DENND1B: variants seen among roughly 807,000 people sequenced by gnomAD.
The protein encoded by DENND1B is DENN domain-containing protein 1B.
DENND1B carries 59 observed loss-of-function variants against 90.1 expected under a neutral mutation model. The observed-to-expected ratio is 0.65, with a 90% CI of 0.53 to 0.81. The LOEUF is 0.81. DENND1B is among the 40% of genes least tolerant of loss of function. The pLI, the probability that DENND1B is intolerant of heterozygous loss-of-function variation, is 0.00. For synonymous variants in DENND1B, 337 were observed against 324.6 expected (o/e 1.04, Z -0.41); for missense variants, 862 against 912.6 (o/e 0.94, Z 0.71).
intron 2 of DENND1B, among the ~76,000 whole-genome samples, chr1:197,723,352 C>T (rs561337886): frequency 4.6e-5 from 7 of 152,172 alleles, no homozygotes; most frequent in South Asian, 2.1e-4. Context: ...TTCTTTTCTT[C>T]GCACTCCTCT....
At chr1:197,605,968 T>C (rs1016457257) in intron 13 of DENND1B, 9 of 151,156 alleles carry the variant, frequency 6.0e-5, no homozygotes, top group African/African-American at 1.9e-4. Context: ...AACTCCTTAA[T>C]AATGGATTTC....
chr1:197,585,940 C>A (rs763962347), intron 14 of DENND1B, among the ~76,000 whole-genome samples: 4 of 152,088 alleles, frequency 2.6e-5, no homozygotes, highest in Non-Finnish European at 5.9e-5. Flanking sequence ...ATGATTTTAA[C>A]CCAGGTTATG....
intron 15 of DENND1B, among the ~76,000 whole-genome samples, chr1:197,573,213 T>C (rs931464502): frequency 1.1e-4 from 17 of 152,176 alleles, no homozygotes; most frequent in African/African-American, 3.6e-4. Flanking sequence ...GCTTTTCTAG[T>C]TCTTTTAATT....
At chr1:197,668,468 T>C (rs931211821) in intron 5 of DENND1B, among the ~76,000 whole-genome samples, 22 of 151,956 alleles carry the variant, frequency 1.4e-4, no homozygotes, top group African/African-American at 5.1e-4. Context: ...GGCATTCATG[T>C]TGTCAACACT....
Position 197,511,963 on chromosome 1 carries a change from C to T in DENND1B, c.1599-19G>A, listed in dbSNP as rs374915532. 8.9e-5 allele frequency: 140 copies of T among 1,580,208 alleles called. No homozygotes were observed. Among genetic ancestry groups the T allele is most frequent in the African/African-American group, 7.0e-4 (52 of 73,926 alleles). On this transcript the variant is annotated intron_variant, in intron 21 of 22. Coordinates refer to ENST00000620048, the MANE Select transcript of DENND1B (RefSeq NM_001195215.2). Reference sequence around the variant, plus strand: ...AGATAACCTGAAGAAAAATAAAACACGCAGTAGTAGGTAAATAACCATATT... The same window carrying T: ...AGATAACCTGAAGAAAAATAAAACATGCAGTAGTAGGTAAATAACCATATT...
chr1:197,629,957 T>A (rs1034088050), intron 10 of DENND1B, among the ~76,000 whole-genome samples: 2 of 151,932 alleles, frequency 1.3e-5, no homozygotes, highest in Non-Finnish European at 2.9e-5. Flanking sequence ...GAAAAGATGT[T>A]CCCCATCACA....
At chr1:197,744,295 T>A (rs533992563) in intron 2 of DENND1B, among the ~76,000 whole-genome samples, 7 of 152,322 alleles carry the variant, frequency 4.6e-5, no homozygotes, top group African/African-American at 1.4e-4. Flanking sequence ...AATCAGTATC[T>A]AGGGCATCTA....
chr1:197,717,495 CAAAT>C (rs1660755820), intron 2 of DENND1B, among the ~76,000 whole-genome samples: 2 of 151,424 alleles, frequency 1.3e-5, no homozygotes, highest in Non-Finnish European at 3.0e-5. Context: ...TTCTAGAAAC[CAAAT>C]AAATATAAAA....
chr1:197,746,724 A>C, intron 2 of DENND1B: 1 of 992,416 alleles, frequency 1.0e-6, no homozygotes, highest in Admixed American at 1.8e-5. Context: ...TTGAGTCCAC[A>C]AATGTCTTGA....
In DENND1B at chr1:197,775,124, G is replaced by A. The variant is rs1026645351; in HGVS notation, c.17+15C>T. The A allele has an allele frequency of 7.0e-6, 9 of 1,282,596 alleles. No individual in the cohort carries two copies. In the African/African-American group the frequency reaches 7.7e-5, roughly 11 times the overall value. 79.5% of individuals were successfully genotyped at this position (1,282,596 alleles called of 1,614,324 possible). ...GGGACGCCCGCCCCCGACGCGCCCG[G>A]GCCCCCCCACTCACTTGGTCCTGCA... On this transcript the variant is annotated intron_variant, in intron 1 of 22. Transcript: ENST00000620048.
intron 20 of DENND1B, among the ~76,000 whole-genome samples, chr1:197,517,563 T>G (rs893118392): frequency 6.6e-6 from 1 of 151,920 alleles, no homozygotes; most frequent in Admixed American, 6.6e-5. Context: ...ACGTAGTAAC[T>G]GCCTACCCCA....
At position 197,545,909 on chromosome 1, in the gene DENND1B, CA is replaced by C; in HGVS notation, c.1350+12del. ...TTTCATAAATAGGATTGTTAAATAT[CA>C]AAAAAACTTACAAATTTATATGCTG... On this transcript the variant is annotated intron_variant, in intron 18 of 22. Coordinates refer to ENST00000620048, the MANE Select transcript of DENND1B (RefSeq NM_001195215.2). 3 of 1,590,236 alleles carry C rather than the reference CA, an allele frequency of 1.9e-6. No individual in the cohort carries two copies. The highest frequency in any genetic ancestry group is 2.6e-6 in the Non-Finnish European group (3 of 1,172,000).
intron 3 of DENND1B, among the ~76,000 whole-genome samples, chr1:197,695,786 A>G (rs955821982): frequency 6.0e-5 from 9 of 151,230 alleles, no homozygotes; most frequent in Non-Finnish European, 1.2e-4. Flanking sequence ...GATCATTTAA[A>G]TATTTATTTT....
chr1:197,563,850 C>G (rs1461883362), intron 15 of DENND1B, among the ~76,000 whole-genome samples: 1 of 151,810 alleles, frequency 6.6e-6, no homozygotes, highest in Non-Finnish European at 1.5e-5. Flanking sequence ...AAAACAGCAA[C>G]ATTAACAGGA....
chr1:197,652,802 A>T (rs1572202113), intron 6 of DENND1B, among the ~76,000 whole-genome samples: 2 of 152,110 alleles, frequency 1.3e-5, no homozygotes, highest in African/African-American at 4.8e-5. Context: ...TCTTTTCTAC[A>T]TTGCTACTGG....
chr1:197,773,141 C>T (rs1656833720), intron 1 of DENND1B: 2 of 555,954 alleles, frequency 3.6e-6, no homozygotes, highest in Non-Finnish European at 6.4e-6. Context: ...AAACTTGGGG[C>T]AAAGCATTTA....
At chr1:197,770,380 C>T (rs1289306752) in intron 2 of DENND1B, among the ~76,000 whole-genome samples, 11 of 151,684 alleles carry the variant, frequency 7.3e-5, no homozygotes, top group Non-Finnish European at 8.8e-5. Context: ...GTAGAAGATA[C>T]AAACTGGAAT....
intron 10 of DENND1B, among the ~76,000 whole-genome samples, chr1:197,631,727 T>C (rs1419438175): frequency 6.6e-6 from 1 of 151,740 alleles, no homozygotes; most frequent in Non-Finnish European, 1.5e-5. Context: ...CAATTATATA[T>C]ATTTTAATGT....
At chr1:197,668,922 T>G (rs1411827302) in intron 5 of DENND1B, among the ~76,000 whole-genome samples, 3 of 152,072 alleles carry the variant, frequency 2.0e-5, no homozygotes, top group Admixed American at 6.5e-5. Context: ...ATTTAAAAAT[T>G]TTTTCAATTC....
Sources: gnomAD v4.1 joint callset for allele counts (sites outside exome capture counted in the v4.1 genomes callset) on GRCh38, gnomAD v4.1.1 for gene constraint, MANE v1.5 for transcripts, NCBI Gene and HGNC (gene_info 2026-07-23, HGNC 2026-07-21) for gene names.